The following ALDH1A3 variants were observed in gnomAD, a reference collection of about 807,000 sequenced individuals.
The protein encoded by ALDH1A3 is aldehyde dehydrogenase 1 family member A3.
Under a neutral mutation model 57.5 loss-of-function variants are expected in ALDH1A3, and 28 were observed. That is an observed-to-expected ratio of 0.49 (90% CI 0.36 to 0.67). The LOEUF (loss-of-function observed/expected upper bound fraction) is 0.67, where lower values mean the gene tolerates loss of function less well. Ranked by LOEUF, ALDH1A3 falls within the 30% of genes least tolerant of loss-of-function variation. The probability of loss-of-function intolerance (pLI) is 0.00; values close to 1 mark genes in which losing one functional copy is unlikely to be tolerated. For synonymous variants in ALDH1A3, 281 were observed against 264.8 expected (o/e 1.06, Z -0.59); for missense variants, 507 against 669.4 (o/e 0.76, Z 2.68).
rs888446855 is a variant in ALDH1A3, at chr15:100,887,837, T to A, written c.345+125T>A. 3 of 1,179,984 alleles carry A rather than the reference T, an allele frequency of 2.5e-6. No individual in the cohort carries two copies. The highest frequency in any genetic ancestry group is 3.4e-6 in the Non-Finnish European group (3 of 885,014). 73.1% of individuals were successfully genotyped at this position (1,179,984 alleles called of 1,614,324 possible). The stretch of plus-strand genomic sequence containing the variant: ...GTGTGGTCGTGGGTCTGTTCCATCC[T>A]CTGAGACACGGCTCTCTGGCAATAC... On this transcript the variant is annotated intron_variant, in intron 3 of 12. Coordinates refer to ENST00000329841, the MANE Select transcript of ALDH1A3 (RefSeq NM_000693.4). This position sits in a 1 kb window ranked among gnomAD's most constrained non-coding sequence, Gnocchi z 4.6.
intron 3 of ALDH1A3, among the ~76,000 whole-genome samples, chr15:100,890,686 T>C (rs1230628565): frequency 6.6e-6 from 1 of 152,208 alleles, no homozygotes; most frequent in Admixed American, 6.5e-5. Context: ...AATCCAGGAC[T>C]GGAGGCAGAA....
intron 1 of ALDH1A3, chr15:100,880,692 G>A (rs1178294750): frequency 6.5e-6 from 1 of 153,806 alleles, no homozygotes; most frequent in Non-Finnish European, 1.4e-5. Flanking sequence ...GGAAGCGGTG[G>A]GTCGCGAGGC....
intron 1 of ALDH1A3, chr15:100,880,332 C>A (rs977517430): frequency 1.3e-5 from 5 of 371,864 alleles, no homozygotes; most frequent in African/African-American, 1.1e-4. Flanking sequence ...AGTGGAGGTG[C>A]GCGCCGCGTT....
Position 100,892,261 on chromosome 15 carries a change from A to C in ALDH1A3, c.346-249A>C, listed in dbSNP as rs376436036. The C allele has an allele frequency of 2.3e-5, 11 of 477,572 alleles. 1 individual carries two copies. Among genetic ancestry groups the C allele is most frequent in the African/African-American group, 2.2e-4 (11 of 49,072 alleles). 29.6% of individuals were successfully genotyped at this position (477,572 alleles called of 1,614,324 possible). ...CCAAGGGGCCCTTCAAAGAGGGTGC[A>C]TGTCTATGTTTTAGCCCACCACCCT... is the stretch of plus-strand genomic sequence containing the variant. On this transcript the variant is annotated intron_variant, in intron 3 of 12. Transcript: ENST00000329841.
chr15:100,907,266 C>A lies in ALDH1A3; in HGVS notation c.1379C>A (p.Ser460Tyr). 6.2e-7 allele frequency: 1 copy of A among 1,614,140 alleles called. No homozygotes were observed. The highest frequency in any genetic ancestry group is 8.5e-7 in the Non-Finnish European group (1 of 1,180,012). Residue 460 changes from serine to tyrosine, a missense_variant, in exon 11 of 13, where the codon TCT (serine) becomes TAT (tyrosine). Ser to Tyr is a moderately radical substitution (Grantham distance 144, BLOSUM62 -2). Around this residue, in one of 2 missense-constraint regions of ALDH1A3, gnomAD observed 432 missense variants for 608.4 expected, o/e 0.71. Transcript: ENST00000329841. ...KALKLASALE[S>Y]GTVWINCYNA... is the part of the protein sequence containing the mutation. ...CTGAAGTTGGCTTCTGCCTTAGAGT[C>A]TGGAACGGTCTGGTGAGTTGACTGT...
At position 100,892,352 on chromosome 15, in the gene ALDH1A3, A is replaced by AT. The variant is rs1409304277; in HGVS notation, c.346-155dup. 16 of 943,972 alleles carry AT rather than the reference A, an allele frequency of 1.7e-5. No individual in the cohort carries two copies. The African/African-American group carries it at 2.4e-4, about 14-fold the overall frequency. The allele number at this position is 943,972 out of a possible 1,614,324, so 58.5% of individuals were successfully genotyped here. ...CACTCAGAGACAGGCCTCGCTTTAC[A>AT]TTTGGTGTCATGCTTTCTGAAGAGG... On this transcript the variant is annotated intron_variant, in intron 3 of 12. Coordinates refer to ENST00000329841, the MANE Select transcript of ALDH1A3 (RefSeq NM_000693.4).
At chr15:100,901,026 G>A (rs933787060) in intron 9 of ALDH1A3, among the ~76,000 whole-genome samples, 1 of 152,196 alleles carries the variant, frequency 6.6e-6, no homozygotes, top group Non-Finnish European at 1.5e-5. Flanking sequence ...CCACTCTCCA[G>A]GATGACCTCC....
Position 100,898,320 on chromosome 15 carries a change from A to G in ALDH1A3, c.883+135A>G, listed in dbSNP as rs2041730935. The G allele has an allele frequency of 4.3e-6, 3 of 694,406 alleles. No individual in the cohort carries two copies. In the South Asian group the frequency reaches 7.3e-5, roughly 17 times the overall value. The allele number at this position is 694,406 out of a possible 1,614,324, so 43.0% of individuals were successfully genotyped here. The stretch of plus-strand genomic sequence containing the variant: ...CAGTGGGGACGCTTCCACCGTGGGC[A>G]TCCTGCCCACAGTCAGCCAGCCGCA... On this transcript the variant is annotated intron_variant, in intron 8 of 12. Coordinates refer to ENST00000329841, the MANE Select transcript of ALDH1A3 (RefSeq NM_000693.4).
intron 12 of ALDH1A3, among the ~76,000 whole-genome samples, chr15:100,909,131 A>C (rs1439169564): frequency 8.1e-6 from 1 of 124,016 alleles, no homozygotes; most frequent in African/African-American, 3.2e-5. Context: ...CCCACTGCAA[A>C]CCCCTCCACA....
chr15:100,911,144 A>C (rs1366205641), intron 12 of ALDH1A3, among the ~76,000 whole-genome samples: 1 of 152,268 alleles, frequency 6.6e-6, no homozygotes, highest in Admixed American at 6.5e-5. Context: ...AGGAGCCTAG[A>C]AACTGCCTGG....
chr15:100,911,154 G>T (rs1418699297), intron 12 of ALDH1A3, among the ~76,000 whole-genome samples: 1 of 152,258 alleles, frequency 6.6e-6, no homozygotes, highest in Non-Finnish European at 1.5e-5. Flanking sequence ...AAACTGCCTG[G>T]AAAACCAATT....
intron 11 of ALDH1A3, among the ~76,000 whole-genome samples, chr15:100,907,998 G>C (rs1004027214): frequency 2.6e-5 from 4 of 151,618 alleles, no homozygotes; most frequent in Admixed American, 6.6e-5. Context: ...ACAGGTGCAC[G>C]CCACCACGCC....
Position 100,893,977 on chromosome 15 carries a change from G to C in ALDH1A3, c.561G>C (p.Leu187=), listed in dbSNP as rs139865715. The C allele has an allele frequency of 5.6e-6, 9 of 1,614,072 alleles. No homozygotes were observed. The African/African-American group carries it at 1.2e-4, about 22-fold the overall frequency. The change falls in exon 6 of 13, where the codon CTG becomes CTC. Residue 187 remains leucine, a synonymous_variant. Transcript: ENST00000329841. This position sits in a 1 kb window ranked among gnomAD's most constrained non-coding sequence, Gnocchi z 4.8. ...AGTGGAACTTCCCCCTGCTGATGCT[G>C]GTGTGGAAGCTGGCACCCGCCCTCT... The part of the protein sequence containing the change: ...ITPWNFPLLM[L]VWKLAPALCC...
rs1486519584 is a variant in ALDH1A3 at position 100,908,953 on chromosome 15, ACCT to A, written c.1466+475_1466+477del. On this transcript the variant is annotated intron_variant, in intron 12 of 12. Transcript: ENST00000329841. ...CTCCTCCCAGGAGGCATATGACAACACCTCCTGCTGGGCCTCTGCGGCCCTCTC... is the reference window on the plus strand; with the variant it reads ...CTCCTCCCAGGAGGCATATGACAACACCTGCTGGGCCTCTGCGGCCCTCTC... 7.3e-5 allele frequency among the ~76,000 whole-genome samples: 11 copies of A among 151,012 alleles called. No individual in the cohort carries two copies. The South Asian group carries it at 2.3e-3, about 32-fold the overall frequency.
intron 1 of ALDH1A3, among the ~76,000 whole-genome samples, chr15:100,882,548 T>C (rs1330780723): frequency 1.3e-5 from 2 of 152,254 alleles, no homozygotes; most frequent in Admixed American, 6.5e-5. Flanking sequence ...TGTTGTCAGA[T>C]GGAAGTTACG....
chr15:100,907,479 C>T (rs542020270), intron 11 of ALDH1A3, among the ~76,000 whole-genome samples: 2 of 152,294 alleles, frequency 1.3e-5, no homozygotes, highest in Non-Finnish European at 2.9e-5. Flanking sequence ...AAAATTGAGG[C>T]ACAGAGAGAT....
chr15:100,893,390 G>A lies in ALDH1A3; in HGVS notation c.537+384G>A, dbSNP rs903716788. 1.1e-5 allele frequency: 2 copies of A among 185,538 alleles called. No homozygotes were observed. The highest frequency in any genetic ancestry group is 4.7e-5 in the African/African-American group (2 of 42,740). 11.5% of individuals were successfully genotyped at this position (185,538 alleles called of 1,614,324 possible). The stretch of plus-strand genomic sequence containing the variant: ...AGAGGTGGCTGGGCTACTTGGAAGG[G>A]AACAGCAGGAAAGCTGGTGGGGCTA... On this transcript the variant is annotated intron_variant, in intron 5 of 12. Coordinates refer to ENST00000329841, the MANE Select transcript of ALDH1A3 (RefSeq NM_000693.4). The surrounding 1 kb of genome is among the most constrained non-coding windows in gnomAD (Gnocchi z 4.8).
intron 12 of ALDH1A3, chr15:100,914,039 A>C (rs2041907604): frequency 6.6e-6 from 1 of 152,274 alleles, no homozygotes; most frequent in Non-Finnish European, 1.5e-5. Context: ...TGAGCCCTGC[A>C]AGATTTAAAG....
Position 100,906,137 on chromosome 15 carries a change from A to G in ALDH1A3, c.1233+450A>G, listed in dbSNP as rs1353099879. Among the ~76,000 whole-genome samples, 30 of 152,142 alleles carry G rather than the reference A, an allele frequency of 2.0e-4. No homozygotes were observed. Among genetic ancestry groups the G allele is most frequent in the Admixed American group, 2.0e-3 (30 of 15,280 alleles). The stretch of plus-strand genomic sequence containing the variant: ...TAGACTGAATTTCAAGTGTTCACTC[A>G]AGGAACATGTCACAGCTGGAATTTT... On this transcript the variant is annotated intron_variant, in intron 10 of 12. Coordinates refer to ENST00000329841, the MANE Select transcript of ALDH1A3 (RefSeq NM_000693.4). This position sits in a 1 kb window ranked among gnomAD's most constrained non-coding sequence, Gnocchi z 4.8.
Sources: gnomAD v4.1 joint callset for allele counts (sites outside exome capture counted in the v4.1 genomes callset) on GRCh38, gnomAD v4.1.1 for gene constraint, gnomAD v4.1.1 regional missense constraint, Gnocchi (gnomAD v3.1) non-coding constraint, MANE v1.5 for transcripts, NCBI Gene and HGNC (gene_info 2026-07-23, HGNC 2026-07-21) for gene names.